Variants in DACH1 observed in about 807,000 individuals in gnomAD.
The protein encoded by DACH1 is dachshund family transcription factor 1.
A neutral mutation model predicts 54.2 loss-of-function variants in DACH1; 12 were observed. The ratio of observed to expected loss-of-function variants is 0.22; its 90% CI spans 0.14 to 0.36. The LOEUF is 0.36. Among genes scored for constraint, DACH1 ranks in the 10% least tolerant of loss-of-function variants. DACH1 has a pLI of 1.00. For missense variants in DACH1, 805 were observed against 929.8 expected (o/e 0.87, Z 1.75); for synonymous variants, 386 against 366.2 (o/e 1.05, Z -0.62).
chr13:71,763,480 G>A (rs1885486282), intron 1 of DACH1, among the ~76,000 whole-genome samples: 2 of 151,930 alleles, frequency 1.3e-5, no homozygotes, highest in Non-Finnish European at 2.9e-5. Context: ...CTGTGTTTCA[G>A]CCTGTTTGGT....
At chr13:71,593,897 T>TA (rs1245618243) in intron 3 of DACH1, among the ~76,000 whole-genome samples, 1 of 151,680 alleles carries the variant, frequency 6.6e-6, no homozygotes, top group Non-Finnish European at 1.5e-5. Context: ...TTTAAAATTC[T>TA]AAATGTTCCT....
At chr13:71,808,588 A>G (rs796150432) in intron 1 of DACH1, among the ~76,000 whole-genome samples, 16 of 152,274 alleles carry the variant, frequency 1.1e-4, no homozygotes, top group African/African-American at 3.9e-4. Flanking sequence ...TGAGATGTAA[A>G]ATATCATGTT....
intron 3 of DACH1, among the ~76,000 whole-genome samples, chr13:71,618,869 G>A (rs1000406128): frequency 2.6e-5 from 4 of 151,782 alleles, no homozygotes; most frequent in African/African-American, 9.7e-5. Context: ...GATCAATTAT[G>A]TGTCTAAATT....
rs10707603 is a variant in DACH1, at chr13:71,529,183, G to GT, written c.1570+27840dup. Among the ~76,000 whole-genome samples, 64 of 80,942 alleles carry GT rather than the reference G, an allele frequency of 7.9e-4. 1 individual carries two copies. The highest frequency in any genetic ancestry group is 2.3e-3 in the African/African-American group (53 of 22,884). The allele number at this position is 80,942 out of a possible 152,430, so 53.1% of individuals were successfully genotyped here. A position where few individuals can be genotyped will look rare whatever the true frequency, so the allele number is the denominator to read the frequency against. The stretch of plus-strand genomic sequence containing the variant: ...TACATCAAACAATATTGTGATTTGG[G>GT]TTTTTTTTTTTTTTTTTTTTTGAGG... On this transcript the variant is annotated intron_variant, in intron 6 of 10. Transcript: ENST00000613252.
chr13:71,646,285 C>G (rs1419643973), intron 2 of DACH1, among the ~76,000 whole-genome samples: 6 of 150,388 alleles, frequency 4.0e-5, no homozygotes, highest in Non-Finnish European at 7.4e-5. Context: ...TGCAGTGAGC[C>G]GAGACTGCGC....
intron 8 of DACH1, among the ~76,000 whole-genome samples, chr13:71,478,109 T>C (rs1356140301): frequency 6.6e-6 from 1 of 152,204 alleles, no homozygotes; most frequent in Non-Finnish European, 1.5e-5. Flanking sequence ...AATAAAAACA[T>C]GGCTGTCTCA....
intron 4 of DACH1, among the ~76,000 whole-genome samples, chr13:71,565,476 T>G (rs887668417): frequency 6.6e-6 from 1 of 151,864 alleles, no homozygotes; most frequent in South Asian, 2.1e-4. Flanking sequence ...ACACTAAGAG[T>G]GGTGTTCAAA....
intron 1 of DACH1, among the ~76,000 whole-genome samples, chr13:71,810,769 T>C (rs1173209147): frequency 6.6e-6 from 1 of 152,148 alleles, no homozygotes; most frequent in Non-Finnish European, 1.5e-5. Context: ...CACAGTACCA[T>C]AAATAATTTA....
At chr13:71,608,989 T>C (rs915108818) in intron 3 of DACH1, among the ~76,000 whole-genome samples, 2 of 152,118 alleles carry the variant, frequency 1.3e-5, no homozygotes, top group African/African-American at 4.8e-5. Flanking sequence ...AAAAGATACA[T>C]GAATTGATAT....
chr13:71,675,289 G>A, intron 2 of DACH1: 1 of 1,603,854 alleles, frequency 6.2e-7, no homozygotes, highest in South Asian at 1.1e-5. Context: ...GCGAGAAATT[G>A]CTCAGTACTT....
At position 71,479,023 on chromosome 13, in the gene DACH1, T is replaced by C. The variant is rs566891701; in HGVS notation, c.1870+146A>G. The C allele has an allele frequency of 6.0e-6, 4 of 665,378 alleles. No individual in the cohort carries two copies. In the South Asian group the frequency reaches 1.3e-4, roughly 22 times the overall value. The allele number at this position is 665,378 out of a possible 1,614,324, so 41.2% of individuals were successfully genotyped here. A position where few individuals can be genotyped will look rare whatever the true frequency, so the allele number is the denominator to read the frequency against. On this transcript the variant is annotated intron_variant, in intron 8 of 10. Transcript: ENST00000613252. ...GTACTTTGGAGATTAAGAAATACAA[T>C]GAGCCTAGGATTCAAATTCTGCTCT... is the stretch of plus-strand genomic sequence containing the variant.
intron 10 of DACH1, among the ~76,000 whole-genome samples, chr13:71,468,420 T>C (rs918249455): frequency 6.6e-6 from 1 of 152,158 alleles, no homozygotes; most frequent in Non-Finnish European, 1.5e-5. Flanking sequence ...CTAGATGTGA[T>C]TTCTAGCATT....
At position 71,479,289 on chromosome 13, in the gene DACH1, C is replaced by A. The variant is rs1413458320; in HGVS notation, c.1750G>T (p.Ala584Ser). 1 of 1,613,184 alleles carries A rather than the reference C, an allele frequency of 6.2e-7. No homozygotes were observed. The highest frequency in any genetic ancestry group is 8.5e-7 in the Non-Finnish European group (1 of 1,179,682). ...QGLLKVAIDNARAQEKQVQLE... is the reference protein window; with the variant it reads ...QGLLKVAIDNSRAQEKQVQLE... ...TGGACCTGTTTCTCTTGAGCTCTGGCATTATCTATGGCAACTTTCAACAGC... is the reference window on the plus strand; with the variant it reads ...TGGACCTGTTTCTCTTGAGCTCTGGAATTATCTATGGCAACTTTCAACAGC... The change falls in exon 8 of 11, where the codon GCC becomes TCC. Residue 584 changes from alanine (A) to serine (S), a missense_variant. Transcript: ENST00000613252.
rs529533360 is a variant in DACH1, at chr13:71,846,317, G to A, written c.848+19605C>T. The A allele has an allele frequency of 2.7e-5, 5 of 187,494 alleles. No homozygotes were observed. In the South Asian group the frequency reaches 6.0e-4, roughly 23 times the overall value. The allele number at this position is 187,494 out of a possible 1,614,324, so 11.6% of individuals were successfully genotyped here. The stretch of plus-strand genomic sequence containing the variant: ...TGATGCTGTACCTCTCAAAGATTTA[G>A]ACTAACGAAAAGTAAATAAATAAAA... On this transcript the variant is annotated intron_variant, in intron 1 of 10. Coordinates refer to ENST00000613252, the MANE Select transcript of DACH1 (RefSeq NM_080759.6).
intron 7 of DACH1, among the ~76,000 whole-genome samples, chr13:71,486,885 C>A (rs960947449): frequency 1.4e-4 from 21 of 151,882 alleles, no homozygotes; most frequent in Non-Finnish European, 2.8e-4. Flanking sequence ...ACTCTTGATG[C>A]CCAGGCTGGA....
chr13:71,589,457 T>C (rs1873531259), intron 3 of DACH1, among the ~76,000 whole-genome samples: 1 of 151,992 alleles, frequency 6.6e-6, no homozygotes, highest in Admixed American at 6.6e-5. Context: ...CCTGTATTTT[T>C]AAACTACAAA....
chr13:71,745,374 T>C (rs1018513083), intron 1 of DACH1, among the ~76,000 whole-genome samples: 1 of 152,232 alleles, frequency 6.6e-6, no homozygotes, highest in Non-Finnish European at 1.5e-5. Flanking sequence ...AACTTTAGTA[T>C]GCATGTCAGA....
At chr13:71,819,754 G>A (rs1192795616) in intron 1 of DACH1, among the ~76,000 whole-genome samples, 2 of 152,042 alleles carry the variant, frequency 1.3e-5, no homozygotes, top group Non-Finnish European at 2.9e-5. Context: ...TTAGCACTAA[G>A]TATCCACTAG....
intron 6 of DACH1, among the ~76,000 whole-genome samples, chr13:71,494,760 A>G (rs1322619144): frequency 6.6e-6 from 1 of 152,078 alleles, no homozygotes; most frequent in African/African-American, 2.4e-5. Flanking sequence ...TTATAACAAC[A>G]TACAGTCAAT....
Sources: gnomAD v4.1 joint callset for allele counts (sites outside exome capture counted in the v4.1 genomes callset) on GRCh38, gnomAD v4.1.1 for gene constraint, MANE v1.5 for transcripts, NCBI Gene and HGNC (gene_info 2026-07-23, HGNC 2026-07-21) for gene names.